The following ABAT variants were observed in gnomAD, a reference collection of about 807,000 sequenced individuals.
ABAT encodes 4-aminobutyrate aminotransferase, mitochondrial.
Under a neutral mutation model 64.6 loss-of-function variants are expected in ABAT, and 45 were observed. That is an observed-to-expected ratio of 0.70 (90% CI 0.55 to 0.89). The LOEUF (loss-of-function observed/expected upper bound fraction) is 0.89. Ranked by LOEUF, ABAT falls within the 40% of genes least tolerant of loss-of-function variation. ABAT has a pLI of 0.00. For synonymous variants in ABAT, 297 were observed against 250.5 expected (o/e 1.19, Z -1.75); for missense variants, 633 against 658.4 (o/e 0.96, Z 0.42).
chr16:8,715,467 T>A (rs2058187596), intron 1 of ABAT: 1 of 151,246 alleles, frequency 6.6e-6, no homozygotes, highest in African/African-American at 2.4e-5. Flanking sequence ...AAAATAAATA[T>A]AAAAATAAAC....
rs1425300537 is a variant in ABAT at position 8,782,716 on chromosome 16, G to A, written c.*1286G>A. On this transcript the variant is annotated 3_prime_UTR_variant, in exon 16 of 16. Transcript: ENST00000268251. ...GGTGAGACACTCTGGGAACTGATTT[G>A]ACCTCGAATGCTCCTAAAAGAGAAC... 3 of 152,282 alleles carry A rather than the reference G, an allele frequency of 2.0e-5. No individual in the cohort carries two copies. The highest frequency in any genetic ancestry group is 2.0e-4 in the Admixed American group (3 of 15,284). 9.4% of individuals were successfully genotyped at this position (152,282 alleles called of 1,614,324 possible).
At position 8,718,014 on chromosome 16, in the gene ABAT, C is replaced by T. The variant is rs372148430; in HGVS notation, c.-41-17685C>T. Among the ~76,000 whole-genome samples, 25 of 152,272 alleles carry T rather than the reference C, an allele frequency of 1.6e-4. No homozygotes were observed. In the East Asian group the frequency reaches 2.3e-3, roughly 14 times the overall value. On this transcript the variant is annotated intron_variant, in intron 1 of 15. Coordinates refer to ENST00000268251, the MANE Select transcript of ABAT (RefSeq NM_020686.6). ...GTGCAAGGAAACAGAACAGCACTAG[C>T]TTTAAAGCCTCACAGACCCGAGTTT...
At chr16:8,743,567 A>C (rs1177535654) in intron 2 of ABAT, among the ~76,000 whole-genome samples, 1 of 143,598 alleles carries the variant, frequency 7.0e-6, no homozygotes, top group Non-Finnish European at 1.5e-5. Context: ...TATATACTTT[A>C]GTTTTAATAT....
chr16:8,729,145 G>GAA (rs56095207), intron 1 of ABAT, among the ~76,000 whole-genome samples: 257 of 145,644 alleles, frequency 1.8e-3, no homozygotes, highest in African/African-American at 3.3e-3. Context: ...TGGCTCTACT[G>GAA]AAAAAAAAAA....
intron 1 of ABAT, among the ~76,000 whole-genome samples, chr16:8,731,070 C>T (rs898068931): frequency 6.6e-6 from 1 of 152,136 alleles, no homozygotes; most frequent in Non-Finnish European, 1.5e-5. Flanking sequence ...TCAAGCGATT[C>T]TTGTGCCTCA....
intron 1 of ABAT, among the ~76,000 whole-genome samples, chr16:8,706,098 T>C (rs1408834117): frequency 6.6e-6 from 1 of 152,106 alleles, no homozygotes; most frequent in Non-Finnish European, 1.5e-5. Context: ...GGGGCTAGCA[T>C]GGAAGGCGTA....
In ABAT at chr16:8,776,507, T is replaced by G; in HGVS notation, c.1269+17T>G. On this transcript the variant is annotated intron_variant, in intron 14 of 15. Transcript: ENST00000268251. The surrounding 1 kb of genome is among the most constrained non-coding windows in gnomAD (Gnocchi z 4.4). ...GACCTCCAGGTAACACCCCCTCCCC[T>G]GCCCCGCCCCCACCACCCATGGCTC... 2 of 1,413,358 alleles carry G rather than the reference T, an allele frequency of 1.4e-6. No individual in the cohort carries two copies. Among genetic ancestry groups the G allele is most frequent in the Non-Finnish European group, 1.9e-6 (2 of 1,038,822 alleles). The allele number at this position is 1,413,358 out of a possible 1,614,324, so 87.6% of individuals were successfully genotyped here.
chr16:8,765,655 A>G (rs895544227), intron 8 of ABAT: 1 of 153,456 alleles, frequency 6.5e-6, no homozygotes, highest in East Asian at 1.9e-4. Context: ...ACACAGCAAG[A>G]GCAAGGAGCA....
intron 2 of ABAT, 34 bp downstream of exon 2, chr16:8,735,843 T>G (rs765776223): frequency 6.5e-7 from 1 of 1,548,076 alleles, no homozygotes; most frequent in Non-Finnish European, 8.8e-7. Flanking sequence ...GAACTGGTAC[T>G]AATGGAAGAT....
intron 1 of ABAT, among the ~76,000 whole-genome samples, chr16:8,730,683 C>T (rs944167755): frequency 2.6e-5 from 4 of 152,082 alleles, no homozygotes; most frequent in African/African-American, 9.7e-5. Context: ...CACTGTGGGG[C>T]TGGGTAGAGT....
chr16:8,780,862 C>T (rs2060415721), intron 15 of ABAT: 1 of 361,264 alleles, frequency 2.8e-6, no homozygotes, highest in South Asian at 2.9e-5. Flanking sequence ...CCTGTCCCTC[C>T]TCCGTAATAG....
chr16:8,767,913 T>A (rs1291666520), intron 9 of ABAT, among the ~76,000 whole-genome samples: 1 of 151,974 alleles, frequency 6.6e-6, no homozygotes. Context: ...TGACCTCCGA[T>A]GATCCGCCTG....
chr16:8,712,181 C>G (rs936196895), intron 1 of ABAT, among the ~76,000 whole-genome samples: 1 of 152,036 alleles, frequency 6.6e-6, no homozygotes, highest in Non-Finnish European at 1.5e-5. Flanking sequence ...CAGTGAGCCA[C>G]GATGGTACCA....
intron 5 of ABAT, 29 bp from the exon 6 acceptor site, chr16:8,757,728 G>C (rs1218947073): frequency 6.2e-7 from 1 of 1,612,022 alleles, no homozygotes; most frequent in Non-Finnish European, 8.5e-7. Flanking sequence ...GATGCAATGA[G>C]GTCTCTAACA....
intron 1 of ABAT, among the ~76,000 whole-genome samples, chr16:8,707,912 C>G (rs1241366912): frequency 2.0e-5 from 3 of 152,158 alleles, no homozygotes; most frequent in African/African-American, 7.2e-5. Context: ...CATCCCAGAA[C>G]CAGTCATGAA....
intron 1 of ABAT, chr16:8,720,708 AGT>A (rs2058344437): frequency 6.6e-6 from 1 of 152,378 alleles, no homozygotes; most frequent in Middle Eastern, 3.4e-3. Flanking sequence ...CACTTGGCTG[AGT>A]GTGTCTTTGT....
At chr16:8,728,480 C>T (rs2058622457) in intron 1 of ABAT, among the ~76,000 whole-genome samples, 1 of 152,124 alleles carries the variant, frequency 6.6e-6, no homozygotes, top group Non-Finnish European at 1.5e-5. Flanking sequence ...AAGGGAAAGA[C>T]ATGAACTGCA....
At chr16:8,744,364 G>C (rs992912554) in intron 2 of ABAT, among the ~76,000 whole-genome samples, 1 of 151,710 alleles carries the variant, frequency 6.6e-6, no homozygotes, top group Non-Finnish European at 1.5e-5. Flanking sequence ...GCAGGGAGGA[G>C]CCACACATTT....
chr16:8,700,101 G>T (rs113216270), intron 1 of ABAT, among the ~76,000 whole-genome samples: 2 of 152,054 alleles, frequency 1.3e-5, no homozygotes, highest in African/African-American at 4.8e-5. Flanking sequence ...GATTACAGGT[G>T]TGAGCCACCA....
Sources: gnomAD v4.1 joint callset for allele counts (sites outside exome capture counted in the v4.1 genomes callset) on GRCh38, gnomAD v4.1.1 for gene constraint, Gnocchi (gnomAD v3.1) non-coding constraint, MANE v1.5 for transcripts, NCBI Gene and HGNC (gene_info 2026-07-23, HGNC 2026-07-21) for gene names.